CHN1: variants seen among roughly 807,000 people sequenced by gnomAD.
CHN1 encodes the protein N-chimaerin.
In CHN1, 37 loss-of-function variants were observed where a neutral mutation model predicts 59.5. The ratio of observed to expected loss-of-function variants is 0.62; its 90% CI spans 0.48 to 0.82. The LOEUF (loss-of-function observed/expected upper bound fraction) is 0.82. Among genes scored for constraint, CHN1 ranks in the 40% least tolerant of loss-of-function variants. The pLI, the probability that CHN1 is intolerant of heterozygous loss-of-function variation, is 0.00. For synonymous variants in CHN1, 206 were observed against 200.4 expected (o/e 1.03, Z -0.24); for missense variants, 469 against 571.0 (o/e 0.82, Z 1.82).
At chr2:174,874,964 C>T (rs1359858130) in intron 6 of CHN1, among the ~76,000 whole-genome samples, 1 of 147,004 alleles carries the variant, frequency 6.8e-6, no homozygotes, top group African/African-American at 2.5e-5. Context: ...ACCTCCGCCT[C>T]CTGGGTTCAG....
intron 1 of CHN1, among the ~76,000 whole-genome samples, chr2:174,955,198 A>C (rs1558996643): frequency 2.2e-5 from 1 of 46,196 alleles, no homozygotes; most frequent in African/African-American, 9.3e-5. Flanking sequence ...ATATATATAT[A>C]TAATTGATAT....
chr2:174,882,407 C>A (rs958934643), intron 5 of CHN1, among the ~76,000 whole-genome samples: 1 of 152,134 alleles, frequency 6.6e-6, no homozygotes, highest in Non-Finnish European at 1.5e-5. Context: ...CCTTAATATA[C>A]CATCTTTTCT....
At chr2:174,819,602 A>G (rs1685408832) in intron 8 of CHN1, among the ~76,000 whole-genome samples, 1 of 152,218 alleles carries the variant, frequency 6.6e-6, no homozygotes. Context: ...CTTTTCATAA[A>G]GAAAAATACT....
intron 1 of CHN1, among the ~76,000 whole-genome samples, chr2:175,002,419 T>C (rs773229601): frequency 5.9e-5 from 9 of 152,204 alleles, no homozygotes; most frequent in East Asian, 1.9e-4. Context: ...GTCTTAACTA[T>C]TCAGCTTAAT....
At chr2:174,882,645 G>A (rs1198587098) in intron 5 of CHN1, among the ~76,000 whole-genome samples, 2 of 152,068 alleles carry the variant, frequency 1.3e-5, no homozygotes, top group Non-Finnish European at 2.9e-5. Flanking sequence ...CAACACACTC[G>A]TCTAAGCTTA....
chr2:174,838,384 C>T (rs777321223), intron 7 of CHN1, among the ~76,000 whole-genome samples: 14 of 152,042 alleles, frequency 9.2e-5, no homozygotes, highest in Non-Finnish European at 1.8e-4. Context: ...TGAGCCACTG[C>T]GCCCAGCCAA....
At chr2:174,825,542 A>C (rs1558940154) in intron 7 of CHN1, among the ~76,000 whole-genome samples, 1 of 152,234 alleles carries the variant, frequency 6.6e-6, no homozygotes, top group Non-Finnish European at 1.5e-5. Context: ...TCCCTTTTAC[A>C]AACAGGAAAG....
intron 6 of CHN1, among the ~76,000 whole-genome samples, chr2:174,872,084 C>G (rs1250962814): frequency 1.3e-5 from 2 of 152,064 alleles, no homozygotes; most frequent in Non-Finnish European, 2.9e-5. Context: ...GAGTTTGAGA[C>G]CAGCTTGGGC....
At chr2:174,913,896 C>T (rs1688765546) in intron 5 of CHN1, among the ~76,000 whole-genome samples, 1 of 152,202 alleles carries the variant, frequency 6.6e-6, no homozygotes, top group South Asian at 2.1e-4. Context: ...TGACCTCTGT[C>T]TTCAGAAGTC....
At chr2:174,902,709 A>G (rs1006902936) in intron 5 of CHN1, among the ~76,000 whole-genome samples, 4 of 152,342 alleles carry the variant, frequency 2.6e-5, no homozygotes, top group African/African-American at 9.6e-5. Flanking sequence ...AAGAACACAC[A>G]GTACATTACA....
At chr2:174,999,667 G>C (rs912349051) in intron 1 of CHN1, among the ~76,000 whole-genome samples, 1 of 152,056 alleles carries the variant, frequency 6.6e-6, no homozygotes, top group Admixed American at 6.5e-5. Context: ...ATGGAGAGTT[G>C]GGGTAAAAAA....
At chr2:174,959,917 T>C (rs1231543137) in intron 1 of CHN1, among the ~76,000 whole-genome samples, 2 of 152,184 alleles carry the variant, frequency 1.3e-5, no homozygotes, top group East Asian at 3.8e-4. Context: ...AGGATCCTAG[T>C]GGCAGTTCAA....
intron 1 of CHN1, among the ~76,000 whole-genome samples, chr2:174,991,493 G>T (rs1199562951): frequency 6.6e-6 from 1 of 152,106 alleles, no homozygotes; most frequent in Non-Finnish European, 1.5e-5. Context: ...AGGATAAAGA[G>T]GTTTTTATAA....
chr2:174,862,622 C>A (rs776589000), intron 6 of CHN1, among the ~76,000 whole-genome samples: 3 of 152,148 alleles, frequency 2.0e-5, no homozygotes, highest in African/African-American at 7.2e-5. Flanking sequence ...TGAGCCACTG[C>A]GCCTGGCCAT....
intron 1 of CHN1, among the ~76,000 whole-genome samples, chr2:174,963,419 A>C (rs189696352): frequency 9.2e-5 from 14 of 152,264 alleles, no homozygotes; most frequent in Non-Finnish European, 7.3e-5. Flanking sequence ...ATCCGACAAG[A>C]CTCTTAAAGG....
intron 5 of CHN1, among the ~76,000 whole-genome samples, chr2:174,892,687 G>C (rs1272873722): frequency 6.6e-6 from 1 of 152,146 alleles, no homozygotes; most frequent in African/African-American, 2.4e-5. Context: ...CAATATCCTT[G>C]ATGAATATTG....
intron 7 of CHN1, among the ~76,000 whole-genome samples, chr2:174,835,439 T>C (rs1686040778): frequency 6.6e-6 from 1 of 152,208 alleles, no homozygotes; most frequent in African/African-American, 2.4e-5. Context: ...ATCAAATTTA[T>C]ACAATTTTTG....
rs144484617 is a variant in CHN1 at position 174,893,675 on chromosome 2, C to T, written c.261-15547G>A. Among the ~76,000 whole-genome samples, 933 of 152,182 alleles carry T rather than the reference C, an allele frequency of 6.1e-3. 10 individuals are homozygous for T. The highest frequency in any genetic ancestry group is 0.021 in the African/African-American group (884 of 41,540). On this transcript the variant is annotated intron_variant, in intron 5 of 12. Transcript: ENST00000409900. ...CTCAAAAGACCACAAATGGCCAAAA[C>T]GATCTTGGGAAAGACAAACAAGGCT...
At chr2:174,990,575 T>A (rs1324712588) in intron 1 of CHN1, among the ~76,000 whole-genome samples, 1 of 152,170 alleles carries the variant, frequency 6.6e-6, no homozygotes, top group East Asian at 1.9e-4. Context: ...GTCCCTACTG[T>A]ATAGCGATGT....
Sources: allele counts gnomAD v4.1 joint callset (sites outside exome capture counted in the v4.1 genomes callset), GRCh38; gene constraint gnomAD v4.1.1; transcripts MANE v1.5; gene names NCBI Gene and HGNC (gene_info 2026-07-23, HGNC 2026-07-21).